The following DCUN1D1 variants were observed in gnomAD, a reference collection of about 807,000 sequenced individuals.
DCUN1D1 encodes DCN1-like protein 1.
A neutral mutation model predicts 39.0 loss-of-function variants in DCUN1D1; 3 were observed. The observed-to-expected ratio is 0.08, with a 90% CI of 0.04 to 0.20. DCUN1D1 has a LOEUF of 0.20. Ranked by LOEUF, DCUN1D1 falls within the 10% of genes least tolerant of loss-of-function variation. The pLI is 1.00. For synonymous variants in DCUN1D1, 82 were observed against 96.3 expected, an observed-to-expected ratio of 0.85 and a Z score of 0.87; for missense variants, 158 against 302.4, an observed-to-expected ratio of 0.52 and a Z score of 3.54.
In DCUN1D1 at chr3:182,945,051, T is replaced by C. The variant is rs753217232; in HGVS notation, c.*43A>G. On this transcript the variant is annotated 3_prime_UTR_variant, in exon 7 of 7. Coordinates refer to ENST00000292782, the MANE Select transcript of DCUN1D1 (RefSeq NM_020640.4). ...ATTGACTGTGCAATTTTCTGTTGTA[T>C]TTATTGTACAGACTATGTACATTCT... 1 of 1,524,820 alleles carries C rather than the reference T, an allele frequency of 6.6e-7. No individual in the cohort carries two copies. The highest frequency in any genetic ancestry group is 9.1e-7 in the Non-Finnish European group (1 of 1,103,314). The allele number at this position is 1,524,820 out of a possible 1,614,324, so 94.5% of individuals were successfully genotyped here.
In DCUN1D1 at chr3:182,961,303, A is replaced by G. The variant is rs200237071; in HGVS notation, c.443T>C (p.Leu148Ser). ...ATCCTTAAATCGTCCTGGTTCTTTC[A>G]ATTCTTGTTCCATCTTGGGTATCTG... Reference protein sequence around the residue: ...KAQIPKMEQELKEPGRFKDFY... With the variant: ...KAQIPKMEQESKEPGRFKDFY... Residue 148 changes from leucine to serine, a missense_variant, in exon 4 of 7, where the codon TTG becomes TCG. By Grantham distance (145) the Leu-to-Ser change is moderately radical. Coordinates refer to ENST00000292782, the MANE Select transcript of DCUN1D1 (RefSeq NM_020640.4). 24 of 1,605,420 alleles carry G rather than the reference A, an allele frequency of 1.5e-5. No individual in the cohort carries two copies. The Admixed American group carries it at 1.7e-4, about 11-fold the overall frequency.
intron 1 of DCUN1D1, among the ~76,000 whole-genome samples, chr3:182,977,113 T>C (rs1728274632): frequency 6.6e-6 from 1 of 152,222 alleles, no homozygotes; most frequent in African/African-American, 2.4e-5. Flanking sequence ...ATGGATATGA[T>C]TTAATTTCAA....
Position 182,947,365 on chromosome 3 carries a change from G to A in DCUN1D1, c.604-31C>T, listed in dbSNP as rs776120432. ...TAAAAAACAAAAACAAAATACATTTGTATCACTAAAAAGAGCTGCACAAAA... is the reference window on the plus strand; with the variant it reads ...TAAAAAACAAAAACAAAATACATTTATATCACTAAAAAGAGCTGCACAAAA... On this transcript the variant is annotated intron_variant, in intron 5 of 6. Transcript: ENST00000292782. 4.8e-6 allele frequency: 7 copies of A among 1,445,024 alleles called. No homozygotes were observed. In the South Asian group the frequency reaches 7.5e-5, roughly 15 times the overall value. 89.5% of individuals were successfully genotyped at this position (1,445,024 alleles called of 1,614,324 possible). A position where few individuals can be genotyped will look rare whatever the true frequency, so the allele number is the denominator to read the frequency against.
upstream of DCUN1D1, among the ~76,000 whole-genome samples, chr3:182,983,480 C>T (rs1728624430): frequency 6.6e-6 from 1 of 152,196 alleles, no homozygotes; most frequent in Admixed American, 6.5e-5. Flanking sequence ...CTTGGGGATG[C>T]CAAGGCGGGC....
chr3:182,979,363 A>AAC (rs1400092452), intron 1 of DCUN1D1, among the ~76,000 whole-genome samples: 1 of 152,210 alleles, frequency 6.6e-6, no homozygotes, highest in African/African-American at 2.4e-5. Flanking sequence ...GCATTCCCTT[A>AAC]ACACAGGCGC....
chr3:182,939,526 AAGG>A lies in DCUN1D1; in HGVS notation c.*5565_*5567del, dbSNP rs1293908116. ...ACAGTGAACACTAAGTCAGCAACTA[AAGG>A]AACTACACGCAGGTATAAGCTGCAA... On this transcript the variant is annotated 3_prime_UTR_variant, in exon 7 of 7. Transcript: ENST00000292782. 6.6e-6 allele frequency: 1 copy of A among 152,190 alleles called. No individual in the cohort carries two copies. Among genetic ancestry groups the A allele is most frequent in the East Asian group, 1.9e-4 (1 of 5,202 alleles). The allele number at this position is 152,190 out of a possible 1,614,324, so 9.4% of individuals were successfully genotyped here. A position where few individuals can be genotyped will look rare whatever the true frequency, so the allele number is the denominator to read the frequency against.
At position 182,964,074 on chromosome 3, in the gene DCUN1D1, A is replaced by C. The variant is rs1443221022; in HGVS notation, c.221-25T>G. ...TCTTTAAAAATAACAATGCAATATT[A>C]AAGTAGTGTCATATTATGCTACATT... On this transcript the variant is annotated intron_variant, in intron 2 of 6. Coordinates refer to ENST00000292782, the MANE Select transcript of DCUN1D1 (RefSeq NM_020640.4). 4 of 1,580,896 alleles carry C rather than the reference A, an allele frequency of 2.5e-6. No homozygotes were observed. In the Admixed American group the frequency reaches 5.1e-5, roughly 20 times the overall value.
intron 1 of DCUN1D1, among the ~76,000 whole-genome samples, chr3:182,978,982 G>A (rs1233293990): frequency 6.6e-6 from 1 of 152,134 alleles, no homozygotes; most frequent in East Asian, 1.9e-4. Flanking sequence ...TTTCAGCTGT[G>A]GCTGAGTGTT....
At chr3:182,949,606 G>C (rs1475813969) in intron 4 of DCUN1D1, among the ~76,000 whole-genome samples, 1 of 151,734 alleles carries the variant, frequency 6.6e-6, no homozygotes, top group African/African-American at 2.4e-5. Flanking sequence ...TGTATTCCCA[G>C]CTACTCCAGG....
chr3:182,959,345 A>G (rs145505219), intron 4 of DCUN1D1, among the ~76,000 whole-genome samples: 82 of 152,218 alleles, frequency 5.4e-4, no homozygotes, highest in African/African-American at 1.9e-3. Flanking sequence ...AAGGTTATAC[A>G]TTTATCCCTT....
chr3:182,980,126 G>C, intron 1 of DCUN1D1: 2 of 942,174 alleles, frequency 2.1e-6, no homozygotes, highest in Non-Finnish European at 2.5e-6. Flanking sequence ...GCCGGCAGAG[G>C]GGCAGGGGCA....
intron 4 of DCUN1D1, among the ~76,000 whole-genome samples, chr3:182,953,250 T>C (rs752042832): frequency 2.0e-5 from 3 of 152,168 alleles, no homozygotes; most frequent in Non-Finnish European, 2.9e-5. Flanking sequence ...TCAAGTGTTT[T>C]TGAATAAAAA....
At chr3:182,954,642 T>C (rs1227249845) in intron 4 of DCUN1D1, among the ~76,000 whole-genome samples, 2 of 152,188 alleles carry the variant, frequency 1.3e-5, no homozygotes, top group Non-Finnish European at 2.9e-5. Flanking sequence ...TGTGATGAGG[T>C]ATATAAAAAT....
chr3:182,959,935 T>C (rs1203841996), intron 4 of DCUN1D1, among the ~76,000 whole-genome samples: 2 of 152,158 alleles, frequency 1.3e-5, no homozygotes, highest in Non-Finnish European at 2.9e-5. Context: ...AGGCTTCCCC[T>C]CCTGTTTGGT....
At chr3:182,980,070 A>G in intron 1 of DCUN1D1, 1 of 812,272 alleles carries the variant, frequency 1.2e-6, no homozygotes, top group Non-Finnish European at 1.5e-6. Flanking sequence ...GGGGGAGGCT[A>G]CTCACCCGGA....
rs188619515 is a variant in DCUN1D1, at chr3:182,973,192, A to G, written c.3+7295T>C. Among the ~76,000 whole-genome samples the G allele has an allele frequency of 3.2e-3, 480 of 152,258 alleles. 4 individuals are homozygous for G. The highest frequency in any genetic ancestry group is 0.011 in the African/African-American group (461 of 41,548). On this transcript the variant is annotated intron_variant, in intron 1 of 6. Transcript: ENST00000292782. ...ATATACACTATGTTTTTTTGACCTG[A>G]TAACTAAGAGAGCTACTAAGTGACT...
intron 1 of DCUN1D1, among the ~76,000 whole-genome samples, chr3:182,974,200 C>T (rs537026547): frequency 2.0e-5 from 3 of 151,958 alleles, no homozygotes; most frequent in East Asian, 3.9e-4. Flanking sequence ...TGCAGTGAGC[C>T]GAGATTGCAC....
intron 4 of DCUN1D1, among the ~76,000 whole-genome samples, chr3:182,952,618 C>T (rs1318096055): frequency 1.3e-5 from 2 of 152,018 alleles, no homozygotes; most frequent in Non-Finnish European, 2.9e-5. Flanking sequence ...CTCATTAGCA[C>T]CACCCCCATC....
chr3:182,973,381 T>C (rs973485301), intron 1 of DCUN1D1, among the ~76,000 whole-genome samples: 2 of 152,232 alleles, frequency 1.3e-5, no homozygotes, highest in African/African-American at 4.8e-5. Context: ...ACCAGTTGAT[T>C]GCGGGTAACT....
Sources: gnomAD v4.1 joint callset for allele counts (sites outside exome capture counted in the v4.1 genomes callset) on GRCh38, gnomAD v4.1.1 for gene constraint, MANE v1.5 for transcripts, NCBI Gene and HGNC (gene_info 2026-07-23, HGNC 2026-07-21) for gene names.